The following SEZ6L variants were observed in gnomAD, a reference collection of about 807,000 sequenced individuals.
The protein encoded by SEZ6L is seizure 6-like protein.
SEZ6L carries 37 observed loss-of-function variants against 106.2 expected under a neutral mutation model. The observed-to-expected ratio is 0.35, with a 90% CI of 0.27 to 0.46. The LOEUF (loss-of-function observed/expected upper bound fraction) is 0.46, where lower values mean the gene tolerates loss of function less well. SEZ6L is among the 20% of genes least tolerant of loss of function. The pLI is 1.00. For synonymous variants in SEZ6L, 541 were observed against 570.4 expected, an observed-to-expected ratio of 0.95 and a Z score of 0.73; for missense variants, 1,172 against 1,332.8, an observed-to-expected ratio of 0.88 and a Z score of 1.88.
In SEZ6L at chr22:26,294,281, C is replaced by G. The variant is rs750551008; in HGVS notation, c.836-11C>G. 7 of 1,613,416 alleles carry G rather than the reference C, an allele frequency of 4.3e-6. No individual in the cohort carries two copies. In the African/African-American group the frequency reaches 9.3e-5, roughly 22 times the overall value. ...TGTCTTTGGTGTCCTAATTAAAGTC[C>G]TTCCTTCCAGCTCTCTGCAGTGTGA... On this transcript the variant is annotated splice_polypyrimidine_tract_variant and intron_variant, in intron 2 of 16. Coordinates refer to ENST00000248933, the MANE Select transcript of SEZ6L (RefSeq NM_021115.5).
At chr22:26,177,541 GTC>G (rs1939103748) in intron 1 of SEZ6L, among the ~76,000 whole-genome samples, 1 of 152,144 alleles carries the variant, frequency 6.6e-6, no homozygotes, top group Non-Finnish European at 1.5e-5. Flanking sequence ...CTTCTCTTAG[GTC>G]TCTGGCAGCT....
At chr22:26,338,867 C>CTTTTTTTTTTTTTTT (rs71192914) in intron 9 of SEZ6L, among the ~76,000 whole-genome samples, 10 of 87,466 alleles carry the variant, frequency 1.1e-4, no homozygotes, top group East Asian at 3.6e-4. Context: ...TTTTTTTTTT[C>CTTTTTTTTTTTTTTT]TTTTTTTTTT....
intron 6 of SEZ6L, among the ~76,000 whole-genome samples, chr22:26,306,421 G>T (rs1158858989): frequency 6.6e-6 from 1 of 152,188 alleles, no homozygotes; most frequent in East Asian, 1.9e-4. Context: ...TCTTTCTCTT[G>T]CACACCCCTT....
Position 26,325,553 on chromosome 22 carries a change from A to G in SEZ6L, c.2015+11651A>G, listed in dbSNP as rs1445728178. 1.2e-4 allele frequency among the ~76,000 whole-genome samples: 19 copies of G among 152,202 alleles called. 1 individual carries two copies. ...ACTCAGAAAATGTTTCTTTCCCTAC[A>G]TGATGCTTTCAGCATGTGGGAGACA... On this transcript the variant is annotated intron_variant, in intron 9 of 16. Coordinates refer to ENST00000248933, the MANE Select transcript of SEZ6L (RefSeq NM_021115.5).
At chr22:26,187,500 T>A (rs1939862247) in intron 1 of SEZ6L, among the ~76,000 whole-genome samples, 1 of 152,246 alleles carries the variant, frequency 6.6e-6, no homozygotes, top group African/African-American at 2.4e-5. Flanking sequence ...CTGCACTTAC[T>A]AAAACATCCA....
At chr22:26,313,643 C>T (rs1457508985) in intron 8 of SEZ6L, 121 bp from the exon 9 acceptor site, 1 of 1,167,220 alleles carries the variant, frequency 8.6e-7, no homozygotes, top group Non-Finnish European at 1.2e-6. Context: ...GGTGAAGACA[C>T]CTGTCCACAG....
At chr22:26,219,845 G>A (rs1045452753) in intron 1 of SEZ6L, among the ~76,000 whole-genome samples, 3 of 152,134 alleles carry the variant, frequency 2.0e-5, no homozygotes, top group Admixed American at 6.5e-5. Context: ...TAATGCATGC[G>A]GGACTTAATA....
At chr22:26,280,987 A>G (rs1353286441) in intron 1 of SEZ6L, among the ~76,000 whole-genome samples, 4 of 152,226 alleles carry the variant, frequency 2.6e-5, no homozygotes, top group Non-Finnish European at 5.9e-5. Context: ...GTCATACAAT[A>G]GATCCCTTGA....
intron 13 of SEZ6L, among the ~76,000 whole-genome samples, chr22:26,370,120 C>T (rs969333197): frequency 6.6e-6 from 1 of 152,012 alleles, no homozygotes; most frequent in Non-Finnish European, 1.5e-5. Flanking sequence ...CGGTGGCTCA[C>T]GCCTGTAATC....
At chr22:26,189,868 CG>C (rs1940057424) in intron 1 of SEZ6L, among the ~76,000 whole-genome samples, 2 of 152,000 alleles carry the variant, frequency 1.3e-5, no homozygotes. Flanking sequence ...GAGGCCGAGG[CG>C]GGCGGGTCAC....
chr22:26,277,367 G>A (rs1008412049), intron 1 of SEZ6L, among the ~76,000 whole-genome samples: 4 of 152,216 alleles, frequency 2.6e-5, no homozygotes, highest in Non-Finnish European at 4.4e-5. Context: ...GGTATCCAGG[G>A]TGTGAGTTCA....
At chr22:26,266,806 G>A (rs1449268767) in intron 1 of SEZ6L, among the ~76,000 whole-genome samples, 1 of 151,860 alleles carries the variant, frequency 6.6e-6, no homozygotes, top group Non-Finnish European at 1.5e-5. Flanking sequence ...GGCAAGCAGA[G>A]TAGAGGCTCA....
rs540964269 is a variant in SEZ6L at position 26,341,948 on chromosome 22, C to T, written c.2212+1316C>T. Among the ~76,000 whole-genome samples, 23 of 152,278 alleles carry T rather than the reference C, an allele frequency of 1.5e-4. No individual in the cohort carries two copies. The South Asian group carries it at 4.8e-3, about 32-fold the overall frequency. The stretch of plus-strand genomic sequence containing the variant: ...ATTCCAGTCCCAGAAGAGACTTGCA[C>T]TAACAGAGGAACTGGTCCAGCCCTG... On this transcript the variant is annotated intron_variant, in intron 10 of 16. Transcript: ENST00000248933.
chr22:26,185,955 C>T (rs1939749869), intron 1 of SEZ6L, among the ~76,000 whole-genome samples: 2 of 152,038 alleles, frequency 1.3e-5, no homozygotes, highest in Non-Finnish European at 2.9e-5. Context: ...AGAGGTAGCC[C>T]TGTTCTCCTG....
At chr22:26,296,076 CG>C (rs2081292295) in intron 3 of SEZ6L, among the ~76,000 whole-genome samples, 1 of 152,198 alleles carries the variant, frequency 6.6e-6, no homozygotes. Context: ...CTCATAAAAG[CG>C]TAAGTCTTCA....
intron 1 of SEZ6L, among the ~76,000 whole-genome samples, chr22:26,208,634 A>C (rs1941414834): frequency 6.6e-6 from 1 of 152,008 alleles, no homozygotes; most frequent in South Asian, 2.1e-4. Context: ...TGTTTTCTTT[A>C]GATGTTTTCA....
intron 2 of SEZ6L, among the ~76,000 whole-genome samples, chr22:26,293,913 G>A (rs1444353433): frequency 1.3e-5 from 2 of 152,168 alleles, no homozygotes; most frequent in Non-Finnish European, 2.9e-5. Flanking sequence ...TTGGACAAGT[G>A]CAATGTGGCC....
chr22:26,212,164 A>G (rs5997052), intron 1 of SEZ6L, among the ~76,000 whole-genome samples: 4,134 of 152,262 alleles, frequency 0.027, 162 homozygotes, highest in African/African-American at 0.082. Context: ...AAGCGGGTCA[A>G]TGGGCGGAGA....
intron 1 of SEZ6L, among the ~76,000 whole-genome samples, chr22:26,230,117 G>A (rs1205703374): frequency 6.6e-6 from 1 of 152,186 alleles, no homozygotes; most frequent in East Asian, 1.9e-4. Flanking sequence ...AGCATCCACA[G>A]GAACAGGCAT....
Sources: allele counts gnomAD v4.1 joint callset (sites outside exome capture counted in the v4.1 genomes callset), GRCh38; gene constraint gnomAD v4.1.1; transcripts MANE v1.5; gene names NCBI Gene and HGNC (gene_info 2026-07-23, HGNC 2026-07-21).